The following KIF5B variants were observed in gnomAD, a reference collection of about 807,000 sequenced individuals.
KIF5B encodes kinesin family member 5B.
Under a neutral mutation model 132.8 loss-of-function variants are expected in KIF5B, and 49 were observed. That is an observed-to-expected ratio of 0.37 (90% confidence interval 0.29 to 0.47). KIF5B has a LOEUF of 0.47. Among genes scored for constraint, KIF5B ranks in the 20% least tolerant of loss-of-function variants. The pLI, the probability that KIF5B is intolerant of heterozygous loss-of-function variation, is 1.00. For missense variants in KIF5B, 780 were observed against 1,144.0 expected, an observed-to-expected ratio of 0.68 and a Z score of 4.59; for synonymous variants, 355 against 369.4, an observed-to-expected ratio of 0.96 and a Z score of 0.45.
intron 8 of KIF5B, 119 bp downstream of exon 8, chr10:32,037,134 CT>C: frequency 8.1e-6 from 7 of 859,776 alleles, no homozygotes; most frequent in Non-Finnish European, 1.1e-5. Flanking sequence ...GGTTACAAAT[CT>C]CAGGTTACCA....
intron 14 of KIF5B, among the ~76,000 whole-genome samples, 174 bp downstream of exon 14, chr10:32,030,899 C>T (rs1592445601): frequency 1.3e-5 from 2 of 152,252 alleles, no homozygotes; most frequent in East Asian, 3.9e-4. Flanking sequence ...AAATAACTGT[C>T]TTCCTCCACC....
chr10:32,012,892 T>C (rs1841102824), intron 25 of KIF5B, among the ~76,000 whole-genome samples: 1 of 150,434 alleles, frequency 6.6e-6, no homozygotes, highest in Non-Finnish European at 1.5e-5. Context: ...ACATCTTAAC[T>C]CATGTAATTT....
chr10:32,030,301 G>C (rs895071006), intron 14 of KIF5B, among the ~76,000 whole-genome samples: 1 of 152,218 alleles, frequency 6.6e-6, no homozygotes. Context: ...TGGATCACCT[G>C]AGGTCAGGAG....
At chr10:32,042,097 A>G (rs139851199) in intron 2 of KIF5B, among the ~76,000 whole-genome samples, 4 of 152,298 alleles carry the variant, frequency 2.6e-5, no homozygotes, top group Non-Finnish European at 4.4e-5. Flanking sequence ...TCTATTCTAG[A>G]GGAAGCCAAA....
intron 1 of KIF5B, among the ~76,000 whole-genome samples, chr10:32,051,555 A>G (rs1202032156): frequency 6.6e-6 from 1 of 152,244 alleles, no homozygotes; most frequent in Non-Finnish European, 1.5e-5. Context: ...TACTAAAATA[A>G]TATAAATGGC....
intron 14 of KIF5B, among the ~76,000 whole-genome samples, chr10:32,029,086 A>C (rs1456918597): frequency 6.6e-6 from 1 of 152,216 alleles, no homozygotes; most frequent in African/African-American, 2.4e-5. Flanking sequence ...ATATTATCTG[A>C]GTTTAATGAC....
intron 10 of KIF5B, 50 bp from the exon 11 acceptor site, chr10:32,034,888 A>C: frequency 7.1e-7 from 1 of 1,407,626 alleles, no homozygotes; most frequent in Non-Finnish European, 9.5e-7. Flanking sequence ...AATTATTTTT[A>C]ATTTTATCTA....
intron 19 of KIF5B, 81 bp downstream of exon 19, chr10:32,020,941 C>A: frequency 1.5e-6 from 1 of 652,504 alleles, no homozygotes. Flanking sequence ...TTGATGAAAA[C>A]TGCAGGTTTC....
intron 15 of KIF5B, among the ~76,000 whole-genome samples, chr10:32,026,973 A>G (rs926209826): frequency 1.3e-5 from 2 of 152,238 alleles, no homozygotes; most frequent in African/African-American, 2.4e-5. Flanking sequence ...CCTTGCCTCC[A>G]TCAACAAACA....
Position 32,017,366 on chromosome 10 carries a change from G to GGT in KIF5B, c.2545-8_2545-7insAC, listed in dbSNP as rs1470177832. The GGT allele has an allele frequency of 3.7e-6, 6 of 1,605,928 alleles. No homozygotes were observed. The African/African-American group carries it at 8.0e-5, about 22-fold the overall frequency. ...CTGCATTATCACGTACCAACTAAAC[G>GGT]TACACAAAGAAAACAAGGATTCCAG... On this transcript the variant is annotated splice_polypyrimidine_tract_variant and splice_region_variant and intron_variant, in intron 23 of 25. Transcript: ENST00000302418.
intron 3 of KIF5B, among the ~76,000 whole-genome samples, chr10:32,039,768 C>T (rs1841508091): frequency 1.3e-5 from 2 of 152,120 alleles, no homozygotes; most frequent in South Asian, 4.1e-4. Context: ...GAGGCAAATT[C>T]ATGCAAATAC....
Position 32,011,015 on chromosome 10 carries a change from A to G in KIF5B, c.*522T>C, listed in dbSNP as rs955397228. On this transcript the variant is annotated 3_prime_UTR_variant, in exon 26 of 26. Coordinates refer to ENST00000302418, the MANE Select transcript of KIF5B (RefSeq NM_004521.3). ...TTTTAAAATACAGTACTGACTGGAT[A>G]TATTTTATGGGCATGTAGTGTTGTT... The G allele has an allele frequency of 1.3e-5, 2 of 152,152 alleles. No homozygotes were observed. Among genetic ancestry groups the G allele is most frequent in the East Asian group, 1.9e-4 (1 of 5,202 alleles). The allele number at this position is 152,152 out of a possible 1,614,324, so 9.4% of individuals were successfully genotyped here.
chr10:32,054,555 T>A lies in KIF5B; in HGVS notation c.126+1293A>T, dbSNP rs528245191. Among the ~76,000 whole-genome samples, 8 of 152,330 alleles carry A rather than the reference T, an allele frequency of 5.3e-5. No homozygotes were observed. In the South Asian group the frequency reaches 1.4e-3, roughly 28 times the overall value. On this transcript the variant is annotated intron_variant, in intron 1 of 25. Coordinates refer to ENST00000302418, the MANE Select transcript of KIF5B (RefSeq NM_004521.3). The stretch of plus-strand genomic sequence containing the variant: ...CTGTCTTCAGTGTCAATGCTTTCAA[T>A]CATCCATGTCCCATCTCCTGTGACC...
chr10:32,022,174 G>A lies in KIF5B; in HGVS notation c.1998C>T (p.Ala666=). ...KKRQLEESVD[A]LSEELVQLRA... is the part of the protein sequence containing the mutation. ...GAAGCTGGACTAGTTCTTCACTGAG[G>A]GCATCGACAGATTCCTCCAACTGTC... The change falls in exon 17 of 26, where the codon GCC becomes GCT. Residue 666 remains alanine, a synonymous_variant. Coordinates refer to ENST00000302418, the MANE Select transcript of KIF5B (RefSeq NM_004521.3). The A allele has an allele frequency of 4.3e-6, 7 of 1,610,226 alleles. No individual in the cohort carries two copies. Among genetic ancestry groups the A allele is most frequent in the Non-Finnish European group, 5.9e-6 (7 of 1,176,866 alleles).
intron 9 of KIF5B, 30 bp downstream of exon 9, chr10:32,035,860 A>G: frequency 6.6e-7 from 1 of 1,523,362 alleles, no homozygotes. Flanking sequence ...CCCATAAGGT[A>G]ACAGGGAGAT....
chr10:32,034,224 C>T (rs1841436652), intron 11 of KIF5B, among the ~76,000 whole-genome samples, 186 bp from the exon 12 acceptor site: 1 of 151,676 alleles, frequency 6.6e-6, no homozygotes, highest in African/African-American at 2.4e-5. Context: ...AATTCTACTG[C>T]CTCAAGACTC....
chr10:32,022,202 T>C lies in KIF5B; in HGVS notation c.1970A>G (p.Lys657Arg). The part of the protein sequence containing the change: ...TEYLQNVEQK[K>R]RQLEESVDAL... ...ATCGACAGATTCCTCCAACTGTCTT[T>C]TCTTTTGTTCCACATTTTGAAGGTA... Residue 657 changes from lysine to arginine, a missense_variant, in exon 17 of 26, where the codon AAA becomes AGA. Lys to Arg is a conservative substitution (Grantham distance 26). Around this residue, in one of 9 missense-constraint regions of KIF5B, gnomAD observed 471 missense variants for 569.9 expected, o/e 0.83. Transcript: ENST00000302418. The C allele has an allele frequency of 1.2e-6, 2 of 1,613,784 alleles. No homozygotes were observed. The highest frequency in any genetic ancestry group is 1.7e-6 in the Non-Finnish European group (2 of 1,179,870).
rs779577244 is a variant in KIF5B, at chr10:32,017,334, C to A, written c.2570G>T (p.Arg857Leu). Reference sequence around the variant, plus strand: ...CTTTTCCAACTTAGGAAGTTCACAGCGGAGATCTGCATTATCACGTACCAA... The same window carrying A: ...CTTTTCCAACTTAGGAAGTTCACAGAGGAGATCTGCATTATCACGTACCAA... The part of the protein sequence containing the change: ...KQLVRDNADL[R>L]CELPKLEKRL... The change falls in exon 24 of 26, where the codon CGC (arginine) becomes CTC (leucine). Residue 857 changes from arginine to leucine, a missense_variant. Coordinates refer to ENST00000302418, the MANE Select transcript of KIF5B (RefSeq NM_004521.3). 6.2e-7 allele frequency: 1 copy of A among 1,614,000 alleles called. No individual in the cohort carries two copies. Among genetic ancestry groups the A allele is most frequent in the Non-Finnish European group, 8.5e-7 (1 of 1,179,932 alleles).
Position 32,009,813 on chromosome 10 carries a change from T to C in KIF5B, c.*1724A>G, listed in dbSNP as rs1366110637. 1 of 152,174 alleles carries C rather than the reference T, an allele frequency of 6.6e-6. No individual in the cohort carries two copies. The highest frequency in any genetic ancestry group is 1.5e-5 in the Non-Finnish European group (1 of 68,016). 9.4% of individuals were successfully genotyped at this position (152,174 alleles called of 1,614,324 possible). On this transcript the variant is annotated 3_prime_UTR_variant, in exon 26 of 26. Transcript: ENST00000302418. ...CAGCACTTTTTTTGCTTGTTAACTATATTACTTATAACTGGCTGCACCAAC... is the reference window on the plus strand; with the variant it reads ...CAGCACTTTTTTTGCTTGTTAACTACATTACTTATAACTGGCTGCACCAAC...
Sources: allele counts gnomAD v4.1 joint callset (sites outside exome capture counted in the v4.1 genomes callset), GRCh38; gene constraint gnomAD v4.1.1; regional missense constraint gnomAD v4.1.1; transcripts MANE v1.5; gene names NCBI Gene and HGNC (gene_info 2026-07-23, HGNC 2026-07-21).